Variants in TENM1 observed in about 807,000 individuals in gnomAD.
TENM1 encodes teneurin-1.
TENM1 carries 35 observed loss-of-function variants against 174.8 expected under a neutral mutation model. The observed-to-expected ratio is 0.20, with a 90% CI of 0.15 to 0.27. The LOEUF is 0.27. Ranked by LOEUF, TENM1 falls within the 10% of genes least tolerant of loss-of-function variation. The pLI is 1.00. For synonymous variants in TENM1, 781 were observed against 798.7 expected, an observed-to-expected ratio of 0.98 and a Z score of 0.37; for missense variants, 1,633 against 2,130.1, an observed-to-expected ratio of 0.77 and a Z score of 4.59.
At chrX:125,187,363 T>C in the TENM1 span, among the ~76,000 whole-genome samples, 1 of 112,454 alleles carries the variant, frequency 8.9e-6, no homozygotes, top group South Asian at 3.7e-4. Context: ...AAATATGTCC[T>C]CCTTGTGATC....
intron 10 of TENM1, among the ~76,000 whole-genome samples, chrX:124,644,044 CAT>C (rs72253813): frequency 0.089 from 7,071 of 79,040 alleles, 497 homozygotes; most frequent in African/African-American, 0.23. Context: ...ATATAAATGG[CAT>C]ATATATATAT....
At chrX:124,773,715 A>T (rs918840717) in intron 3 of TENM1, among the ~76,000 whole-genome samples, 2 of 111,619 alleles carry the variant, frequency 1.8e-5, no homozygotes, top group Admixed American at 9.5e-5. Context: ...TTGCCAATAT[A>T]TGGACCCCCA....
chrX:125,001,925 T>TCACACACACA, the TENM1 span, among the ~76,000 whole-genome samples: 133 of 67,249 alleles, frequency 2.0e-3, no homozygotes, highest in African/African-American at 6.8e-3. Context: ...TCTAGAGAGA[T>TCACACACACA]CACACACACA....
At chrX:125,200,654 T>TGTGAGAGAGAGA in the TENM1 span, among the ~76,000 whole-genome samples, 337 of 92,412 alleles carry the variant, frequency 3.6e-3, 2 homozygotes, top group African/African-American at 0.014. Context: ...TGTGTGTGTG[T>TGTGAGAGAGAGA]GAGAGAGAGA....
intron 4 of TENM1, among the ~76,000 whole-genome samples, chrX:124,708,595 T>G (rs994288280): frequency 1.8e-5 from 2 of 111,383 alleles, no homozygotes; most frequent in African/African-American, 3.3e-5. Context: ...AAACACATAA[T>G]GTAGTACTAC....
intron 25 of TENM1, among the ~76,000 whole-genome samples, chrX:124,413,579 G>C (rs1431588542): frequency 8.9e-6 from 1 of 111,969 alleles, no homozygotes; most frequent in Non-Finnish European, 1.9e-5. Flanking sequence ...TGTTACTTCT[G>C]TTCACTCTGT....
At chrX:124,962,925 T>C (rs752912533) in intron 1 of TENM1, among the ~76,000 whole-genome samples, 2 of 112,846 alleles carry the variant, frequency 1.8e-5, no homozygotes, top group African/African-American at 6.4e-5. Context: ...ACAGTTTATC[T>C]ATCAATTGGA....
In TENM1 at chrX:124,585,611, A is replaced by G. The variant is rs1335892920; in HGVS notation, c.2078-20051T>C. 2.7e-5 allele frequency among the ~76,000 whole-genome samples: 3 copies of G among 111,272 alleles called. No homozygotes were observed. In the Admixed American group the frequency reaches 2.9e-4, roughly 11 times the overall value. ...AAAGATCTAAAATTGACACCCTAAC[A>G]TCACAATTAAAAGAACTAGAAAAGC... On this transcript the variant is annotated intron_variant, in intron 11 of 31. Coordinates refer to ENST00000422452, the Ensembl canonical transcript of TENM1.
At chrX:124,923,017 G>C (rs1324683648) in intron 1 of TENM1, among the ~76,000 whole-genome samples, 1 of 111,448 alleles carries the variant, frequency 9.0e-6, no homozygotes, top group African/African-American at 3.2e-5. Context: ...TTTTGTTTTT[G>C]GCATTAGAGT....
At chrX:124,510,488 T>A (rs1893473748) in intron 18 of TENM1, among the ~76,000 whole-genome samples, 1 of 111,960 alleles carries the variant, frequency 8.9e-6, no homozygotes, top group African/African-American at 3.2e-5. Flanking sequence ...ATTAACAGTA[T>A]CTCCTTTTAC....
At chrX:124,832,912 A>T (rs1467113105) in intron 3 of TENM1, among the ~76,000 whole-genome samples, 1 of 112,345 alleles carries the variant, frequency 8.9e-6, no homozygotes, top group Non-Finnish European at 1.9e-5. Context: ...AATAGTAAGT[A>T]TGCAATAAAC....
intron 8 of TENM1, among the ~76,000 whole-genome samples, chrX:124,647,504 G>A (rs762939158): frequency 5.4e-5 from 6 of 111,342 alleles, no homozygotes; most frequent in African/African-American, 1.3e-4. Flanking sequence ...TGAAGGTACC[G>A]ATAGGTAGTT....
the TENM1 span, among the ~76,000 whole-genome samples, chrX:125,045,936 C>T: frequency 3.7e-4 from 41 of 112,021 alleles, no homozygotes; most frequent in Non-Finnish European, 6.8e-4. Context: ...TCTACAAACA[C>T]TAGAAACATA....
At chrX:125,059,556 G>A in the TENM1 span, among the ~76,000 whole-genome samples, 4 of 110,783 alleles carry the variant, frequency 3.6e-5, no homozygotes, top group Non-Finnish European at 7.6e-5. Context: ...ACTTGTTCAT[G>A]CTACATATCT....
At chrX:124,448,843 T>C (rs1475000310) in intron 23 of TENM1, among the ~76,000 whole-genome samples, 1 of 111,627 alleles carries the variant, frequency 9.0e-6, no homozygotes, top group Non-Finnish European at 1.9e-5. Context: ...ACTAGAACCA[T>C]CAAGGAAGGT....
At chrX:124,732,989 CT>C (rs2053598914) in intron 4 of TENM1, among the ~76,000 whole-genome samples, 1 of 111,887 alleles carries the variant, frequency 8.9e-6, no homozygotes, top group Admixed American at 9.4e-5. Context: ...CTGAATGTCT[CT>C]GGCTTCTTGC....
intron 1 of TENM1, among the ~76,000 whole-genome samples, chrX:124,938,007 C>T (rs1009296805): frequency 7.2e-5 from 8 of 111,331 alleles, no homozygotes; most frequent in African/African-American, 1.3e-4. Flanking sequence ...TGAAATTTAG[C>T]CAAAATATTA....
chrX:124,728,427 G>C (rs1303466974), intron 4 of TENM1, among the ~76,000 whole-genome samples: 1 of 111,708 alleles, frequency 9.0e-6, no homozygotes, highest in East Asian at 2.8e-4. Flanking sequence ...AAAAAGAATA[G>C]TGCCTAATAT....
chrX:124,655,258 G>C (rs753441126), intron 6 of TENM1, among the ~76,000 whole-genome samples: 7 of 111,729 alleles, frequency 6.3e-5, no homozygotes, highest in African/African-American at 2.3e-4. Context: ...CTGTGAGGGA[G>C]GATGTTGAGT....
Sources: allele counts gnomAD v4.1 joint callset (sites outside exome capture counted in the v4.1 genomes callset), GRCh38; gene constraint gnomAD v4.1.1; transcripts MANE v1.5; gene names NCBI Gene and HGNC (gene_info 2026-07-23, HGNC 2026-07-21).